Variants in JAK2 observed in about 807,000 individuals in gnomAD.
The protein encoded by JAK2 is Janus kinase 2, also known as tyrosine-protein kinase JAK2.
JAK2 carries 86 observed loss-of-function variants against 139.3 expected under a neutral mutation model. The ratio of observed to expected loss-of-function variants is 0.62; its 90% confidence interval spans 0.52 to 0.74. The LOEUF (loss-of-function observed/expected upper bound fraction) is 0.74, where lower values mean the gene tolerates loss of function less well. JAK2 is among the 30% of genes least tolerant of loss of function. The pLI is 0.00. For synonymous variants in JAK2, 490 were observed against 437.7 expected (o/e 1.12, Z -1.49); for missense variants, 1,421 against 1,360.3 (o/e 1.04, Z -0.70).
intron 4 of JAK2, among the ~76,000 whole-genome samples, chr9:5,043,462 G>C (rs1816766312): frequency 1.3e-5 from 2 of 152,212 alleles, no homozygotes; most frequent in Non-Finnish European, 2.9e-5. Context: ...AAGTGTTAGA[G>C]AATTTGGACT....
chr9:5,106,189 A>G (rs1265873454), intron 22 of JAK2, among the ~76,000 whole-genome samples: 2 of 151,982 alleles, frequency 1.3e-5, no homozygotes, highest in Non-Finnish European at 2.9e-5. Context: ...TCCAAAATCT[A>G]CAAAGAAATT....
intron 2 of JAK2, among the ~76,000 whole-genome samples, chr9:5,008,465 G>A (rs1010064727): frequency 2.0e-5 from 3 of 152,300 alleles, no homozygotes; most frequent in East Asian, 3.9e-4. Context: ...GAGAAAGTAT[G>A]AGATAGTTGT....
chr9:5,041,499 G>A (rs1008252295), intron 4 of JAK2: 9 of 582,156 alleles, frequency 1.5e-5, no homozygotes, highest in African/African-American at 1.5e-4. Flanking sequence ...ACAGAAGATC[G>A]GGGACACATA....
chr9:5,023,243 T>TG (rs1440106489), intron 3 of JAK2, among the ~76,000 whole-genome samples: 1 of 152,230 alleles, frequency 6.6e-6, no homozygotes, highest in African/African-American at 2.4e-5. Flanking sequence ...CACATATGAA[T>TG]GAGAACTTGT....
chr9:4,993,038 C>T (rs1459369798), intron 2 of JAK2, among the ~76,000 whole-genome samples: 1 of 152,182 alleles, frequency 6.6e-6, no homozygotes, highest in Non-Finnish European at 1.5e-5. Context: ...GCCTGTAGTG[C>T]TCCAGAGTCC....
intron 19 of JAK2, among the ~76,000 whole-genome samples, chr9:5,088,934 G>C (rs1464188187): frequency 6.6e-6 from 1 of 152,124 alleles, no homozygotes; most frequent in African/African-American, 2.4e-5. Flanking sequence ...TATAAATTTT[G>C]GGTAAGGGGT....
At position 5,037,372 on chromosome 9, in the gene JAK2, A is replaced by T. The variant is rs564672344; in HGVS notation, c.351-7031A>T. 1.6e-3 allele frequency among the ~76,000 whole-genome samples: 239 copies of T among 152,322 alleles called. 2 individuals are homozygous for T. Among genetic ancestry groups the T allele is most frequent in the Non-Finnish European group, 2.1e-3 (141 of 68,030 alleles). On this transcript the variant is annotated intron_variant, in intron 4 of 24. Coordinates refer to ENST00000381652, the MANE Select transcript of JAK2 (RefSeq NM_004972.4). ...CCATTACTGGGTATATACCCAAAGG[A>T]TTATAAATCATGCTGCTATAAAGAC...
chr9:5,042,813 G>A (rs1021611022), intron 4 of JAK2, among the ~76,000 whole-genome samples: 1 of 152,192 alleles, frequency 6.6e-6, no homozygotes, highest in Non-Finnish European at 1.5e-5. Context: ...GGGTGGGGCC[G>A]CGGCTGAAGC....
At chr9:5,069,263 C>A in intron 11 of JAK2, 55 bp downstream of exon 11, 1 of 1,178,006 alleles carries the variant, frequency 8.5e-7, no homozygotes, top group Non-Finnish European at 1.2e-6. Context: ...GTTTATGTGG[C>A]GTGAAGTATC....
rs1030356282 is a variant in JAK2, at chr9:5,090,789, G to A, written c.2937G>A (p.Thr979=). The stretch of plus-strand genomic sequence containing the variant: ...GGTATATCCACAGGGATCTGGCAAC[G>A]AGAAATATATTGGTGGAGAACGAGA... ...TKRYIHRDLA[T]RNILVENENR... The change falls in exon 22 of 25, where the codon ACG becomes ACA. Residue 979 remains threonine, a synonymous_variant. Transcript: ENST00000381652. 1.2e-5 allele frequency: 20 copies of A among 1,613,296 alleles called. 1 individual carries two copies. Among genetic ancestry groups the A allele is most frequent in the Middle Eastern group, 1.7e-4 (1 of 6,056 alleles).
At chr9:5,051,582 T>C (rs963357085) in intron 6 of JAK2, among the ~76,000 whole-genome samples, 2 of 152,204 alleles carry the variant, frequency 1.3e-5, no homozygotes, top group Admixed American at 6.5e-5. Flanking sequence ...TTCAAATTAT[T>C]CTTCTGCATA....
chr9:5,114,060 CA>C (rs1348350303), intron 22 of JAK2: 12 of 332,602 alleles, frequency 3.6e-5, no homozygotes, highest in Non-Finnish European at 6.6e-5. Context: ...GGCCTCCACA[CA>C]AAGCAAGCTC....
intron 19 of JAK2, among the ~76,000 whole-genome samples, chr9:5,089,262 G>C (rs144912042): frequency 6.6e-6 from 1 of 152,136 alleles, no homozygotes; most frequent in African/African-American, 2.4e-5. Flanking sequence ...TCTGCTGCTG[G>C]GCATGGTGGC....
intron 11 of JAK2, among the ~76,000 whole-genome samples, chr9:5,069,614 T>C (rs1306212132): frequency 6.6e-6 from 1 of 152,098 alleles, no homozygotes. Flanking sequence ...TTATTAAAAT[T>C]CCTGAAAAAT....
intron 8 of JAK2, among the ~76,000 whole-genome samples, chr9:5,059,623 CCAAA>C (rs1188470402): frequency 6.6e-6 from 1 of 152,034 alleles, no homozygotes; most frequent in Non-Finnish European, 1.5e-5. Context: ...TAGTATACTG[CCAAA>C]CAATTTTTTG....
intron 22 of JAK2, chr9:5,097,267 C>G (rs934818083): frequency 1.6e-4 from 24 of 152,220 alleles, no homozygotes; most frequent in African/African-American, 5.1e-4. Flanking sequence ...GTCCTAGCCG[C>G]TGGCATTACC....
chr9:5,066,723 T>A lies in JAK2; in HGVS notation c.1260T>A (p.Thr420=). The change falls in exon 10 of 25, where the codon ACT becomes ACA. Residue 420 remains threonine (T), a synonymous_variant. Transcript: ENST00000381652. ...ISKLKKAGNQ[T]GLYVLRCSPK... is the part of the protein sequence containing the mutation. ...AACTGAAGAAAGCAGGTAATCAGAC[T>A]GGACTGTATGTACTTCGATGCAGTC... The A allele has an allele frequency of 6.2e-7, 1 of 1,609,558 alleles. No individual in the cohort carries two copies. Among genetic ancestry groups the A allele is most frequent in the Non-Finnish European group, 8.5e-7 (1 of 1,177,812 alleles).
chr9:5,081,043 C>G (rs927463464), intron 18 of JAK2, among the ~76,000 whole-genome samples: 7 of 151,458 alleles, frequency 4.6e-5, no homozygotes, highest in Admixed American at 2.0e-4. Context: ...CTACAGGCGC[C>G]CGCCACCACA....
At chr9:5,056,196 T>C (rs751226803) in intron 8 of JAK2, among the ~76,000 whole-genome samples, 9 of 152,132 alleles carry the variant, frequency 5.9e-5, no homozygotes, top group Non-Finnish European at 1.2e-4. Context: ...GGAATTTATA[T>C]AACAAAATGT....
Sources: allele counts gnomAD v4.1 joint callset (sites outside exome capture counted in the v4.1 genomes callset), GRCh38; gene constraint gnomAD v4.1.1; transcripts MANE v1.5; gene names NCBI Gene and HGNC (gene_info 2026-07-23, HGNC 2026-07-21).